Variants in B3GAT2 observed in about 807,000 individuals in gnomAD.
B3GAT2 encodes beta-1,3-glucuronyltransferase 2, also known as galactosylgalactosylxylosylprotein 3-beta-glucuronosyltransferase 2.
B3GAT2 carries 26 observed loss-of-function variants against 27.8 expected under a neutral mutation model. The ratio of observed to expected loss-of-function variants is 0.93; its 90% CI spans 0.68 to 1.30. The LOEUF (loss-of-function observed/expected upper bound fraction) is 1.30. Among genes scored for constraint, B3GAT2 ranks in the 50% most tolerant of loss-of-function variants. The pLI is 0.00. For missense variants in B3GAT2, 458 were observed against 459.0 expected (o/e 1.00, Z 0.02); for synonymous variants, 218 against 195.1 (o/e 1.12, Z -0.98).
chr6:70,935,663 G>C (rs1055535984), intron 1 of B3GAT2, among the ~76,000 whole-genome samples: 1 of 152,108 alleles, frequency 6.6e-6, no homozygotes, highest in Non-Finnish European at 1.5e-5. Context: ...TAAAATGTAA[G>C]TGAAGGAGAA....
At chr6:70,862,059 C>T (rs1363933095) in intron 2 of B3GAT2, 81 bp from the exon 3 acceptor site, 1 of 1,356,096 alleles carries the variant, frequency 7.4e-7, no homozygotes, top group Non-Finnish European at 9.9e-7. Flanking sequence ...TTGGTCACAT[C>T]AAAACAGTTT....
chr6:70,862,145 G>C (rs1771764718), intron 2 of B3GAT2, 167 bp from the exon 3 acceptor site: 2 of 630,634 alleles, frequency 3.2e-6, no homozygotes, highest in Middle Eastern at 8.5e-4. Flanking sequence ...AGTCTCAAAG[G>C]AAAATCAGTC....
chr6:70,875,212 G>A (rs974935442), intron 2 of B3GAT2, among the ~76,000 whole-genome samples: 1 of 151,758 alleles, frequency 6.6e-6, no homozygotes, highest in Non-Finnish European at 1.5e-5. Context: ...AAGTATAGAA[G>A]AAAAACAAAA....
In B3GAT2 at chr6:70,856,812, C is replaced by T. The variant is rs368919222; in HGVS notation, c.*4851G>A. 33 of 1,521,326 alleles carry T rather than the reference C, an allele frequency of 2.2e-5. No homozygotes were observed. Among genetic ancestry groups the T allele is most frequent in the African/African-American group, 1.4e-4 (10 of 72,204 alleles). 94.2% of individuals were successfully genotyped at this position (1,521,326 alleles called of 1,614,324 possible). On this transcript the variant is annotated 3_prime_UTR_variant, in exon 4 of 4. Coordinates refer to ENST00000230053, the MANE Select transcript of B3GAT2 (RefSeq NM_080742.3). ...TGGATTTTAAGTAATGGATAAGCTGCGCTTTACTATGCAGAATTTGATAGC... is the reference window on the plus strand; with the variant it reads ...TGGATTTTAAGTAATGGATAAGCTGTGCTTTACTATGCAGAATTTGATAGC...
chr6:70,939,704 C>A (rs943308046), intron 1 of B3GAT2, among the ~76,000 whole-genome samples: 3 of 142,710 alleles, frequency 2.1e-5, no homozygotes, highest in African/African-American at 7.9e-5. Context: ...AATGAGAACA[C>A]AGACACAGGA....
chr6:70,868,983 T>C (rs900664041), intron 2 of B3GAT2, among the ~76,000 whole-genome samples: 4 of 152,210 alleles, frequency 2.6e-5, no homozygotes, highest in African/African-American at 7.2e-5. Flanking sequence ...TGTCCTTTTA[T>C]ATGGTATGAT....
At chr6:70,939,140 T>C (rs1192208301) in intron 1 of B3GAT2, among the ~76,000 whole-genome samples, 1 of 151,810 alleles carries the variant, frequency 6.6e-6, no homozygotes. Flanking sequence ...CCAAAAGACA[T>C]ATGAAAAAAC....
chr6:70,939,194 G>C (rs1442682850), intron 1 of B3GAT2, among the ~76,000 whole-genome samples: 1 of 149,384 alleles, frequency 6.7e-6, no homozygotes, highest in African/African-American at 2.5e-5. Context: ...AAACCACAAT[G>C]AGATACCATC....
In B3GAT2 at chr6:70,890,210, G is replaced by A. The variant is rs868548303; in HGVS notation, c.736+3918C>T. On this transcript the variant is annotated intron_variant, in intron 2 of 3. Transcript: ENST00000230053. ...TCCACCCCTTCTCTCCAGTGACCTC[G>A]CCACTGTCCACCCTAACACCCTCTT... 6.9e-4 allele frequency among the ~76,000 whole-genome samples: 104 copies of A among 151,796 alleles called. 1 individual carries two copies. The highest frequency in any genetic ancestry group is 2.3e-3 in the African/African-American group (97 of 41,294).
rs1390489947 is a variant in B3GAT2 at position 70,856,759 on chromosome 6, G to A, written c.*4904C>T. ...ACCATTTTACCTTCTACAATTGTTTGATTCCTATCTAATTTTATAACTTTA... is the reference window on the plus strand; with the variant it reads ...ACCATTTTACCTTCTACAATTGTTTAATTCCTATCTAATTTTATAACTTTA... On this transcript the variant is annotated 3_prime_UTR_variant, in exon 4 of 4. Coordinates refer to ENST00000230053, the MANE Select transcript of B3GAT2 (RefSeq NM_080742.3). The A allele has an allele frequency of 8.1e-7, 1 of 1,235,390 alleles. No individual in the cohort carries two copies. Among genetic ancestry groups the A allele is most frequent in the Non-Finnish European group, 1.1e-6 (1 of 907,728 alleles). The allele number at this position is 1,235,390 out of a possible 1,614,324, so 76.5% of individuals were successfully genotyped here.
intron 1 of B3GAT2, among the ~76,000 whole-genome samples, chr6:70,947,669 C>G (rs1273944562): frequency 6.6e-6 from 1 of 151,142 alleles, no homozygotes; most frequent in Admixed American, 6.6e-5. Flanking sequence ...GGAACTGGTA[C>G]CATTCCTTCT....
rs1197017263 is a variant in B3GAT2, at chr6:70,861,372, CAA to C, written c.*289_*290del. ...TGGAGAAAAAGAAAAAATATATACTCAAGAGTGGTATCTTGCAGTATCGGCAC... is the reference window on the plus strand; with the variant it reads ...TGGAGAAAAAGAAAAAATATATACTCGAGTGGTATCTTGCAGTATCGGCAC... On this transcript the variant is annotated 3_prime_UTR_variant, in exon 4 of 4. Transcript: ENST00000230053. 1.8e-5 allele frequency: 6 copies of C among 325,470 alleles called. No homozygotes were observed. The highest frequency in any genetic ancestry group is 1.1e-4 in the East Asian group (2 of 18,166). The allele number at this position is 325,470 out of a possible 1,614,324, so 20.2% of individuals were successfully genotyped here. A position where few individuals can be genotyped will look rare whatever the true frequency, so the allele number is the denominator to read the frequency against.
intron 1 of B3GAT2, among the ~76,000 whole-genome samples, chr6:70,938,423 C>A (rs558171996): frequency 5.4e-4 from 82 of 151,932 alleles, no homozygotes; most frequent in African/African-American, 1.9e-3. Context: ...TATATGGAAC[C>A]ATAAAAGAGC....
chr6:70,870,451 T>C (rs1282421082), intron 2 of B3GAT2, among the ~76,000 whole-genome samples: 4 of 147,816 alleles, frequency 2.7e-5, no homozygotes, highest in Non-Finnish European at 6.0e-5. Flanking sequence ...AAATGACGAG[T>C]TAATGGGTGC....
rs1358307431 is a variant in B3GAT2 at position 70,857,319 on chromosome 6, G to A, written c.*4344C>T. On this transcript the variant is annotated 3_prime_UTR_variant, in exon 4 of 4. Coordinates refer to ENST00000230053, the MANE Select transcript of B3GAT2 (RefSeq NM_080742.3). ...ATTATCTTTGATGAATTATTGAAACGATTTGCATGAAGTTTATGACTGCGT... is the reference window on the plus strand; with the variant it reads ...ATTATCTTTGATGAATTATTGAAACAATTTGCATGAAGTTTATGACTGCGT... 8.5e-6 allele frequency: 2 copies of A among 235,674 alleles called. No homozygotes were observed. The highest frequency in any genetic ancestry group is 5.1e-5 in the Admixed American group (1 of 19,578). The allele number at this position is 235,674 out of a possible 1,614,324, so 14.6% of individuals were successfully genotyped here.
rs1772524678 is a variant in B3GAT2 at position 70,902,659 on chromosome 6, C to T, written c.592-8387G>A. Among the ~76,000 whole-genome samples, 6 of 150,162 alleles carry T rather than the reference C, an allele frequency of 4.0e-5. 1 individual carries two copies. The South Asian group carries it at 1.3e-3, about 32-fold the overall frequency. ...ATATACACACACACACACACACACACACACACATATATATATATACACATA... is the reference window on the plus strand; with the variant it reads ...ATATACACACACACACACACACACATACACACATATATATATATACACATA... On this transcript the variant is annotated intron_variant, in intron 1 of 3. Coordinates refer to ENST00000230053, the MANE Select transcript of B3GAT2 (RefSeq NM_080742.3).
At chr6:70,875,261 T>G (rs1490619436) in intron 2 of B3GAT2, among the ~76,000 whole-genome samples, 2 of 152,176 alleles carry the variant, frequency 1.3e-5, no homozygotes, top group African/African-American at 4.8e-5. Context: ...AACAGAAAAC[T>G]GCTACTTAAC....
chr6:70,935,564 T>A (rs1301600769), intron 1 of B3GAT2, among the ~76,000 whole-genome samples: 1 of 152,154 alleles, frequency 6.6e-6, no homozygotes, highest in African/African-American at 2.4e-5. Context: ...TATTTATAGA[T>A]CTACTGGATA....
intron 1 of B3GAT2, among the ~76,000 whole-genome samples, chr6:70,927,640 A>G (rs1772985640): frequency 6.6e-6 from 1 of 152,192 alleles, no homozygotes; most frequent in Admixed American, 6.5e-5. Flanking sequence ...TCCTAAATAT[A>G]TATGCACCCA....
Sources: allele counts gnomAD v4.1 joint callset (sites outside exome capture counted in the v4.1 genomes callset), GRCh38; gene constraint gnomAD v4.1.1; transcripts MANE v1.5; gene names NCBI Gene and HGNC (gene_info 2026-07-23, HGNC 2026-07-21).